The following HEXB variants were observed in gnomAD, a reference collection of about 807,000 sequenced individuals.
HEXB encodes the protein beta-hexosaminidase subunit beta.
Under a neutral mutation model 71.2 loss-of-function variants are expected in HEXB, and 51 were observed. That is an observed-to-expected ratio of 0.72 (90% confidence interval 0.57 to 0.90). HEXB has a LOEUF of 0.90. HEXB is among the 40% of genes least tolerant of loss of function. HEXB has a pLI of 0.00. For missense variants in HEXB, 617 were observed against 677.0 expected (o/e 0.91, Z 0.98); for synonymous variants, 266 against 249.3 (o/e 1.07, Z -0.63).
chr5:74,683,596 G>A (rs1027973865), upstream of HEXB, among the ~76,000 whole-genome samples: 10 of 151,814 alleles, frequency 6.6e-5, no homozygotes, highest in Non-Finnish European at 1.5e-4. Flanking sequence ...GAGCCACCAT[G>A]CCCAACAGTG....
intron 11 of HEXB, 129 bp from the exon 12 acceptor site, chr5:74,720,299 C>A: frequency 1.3e-6 from 1 of 752,758 alleles, no homozygotes; most frequent in Admixed American, 1.9e-5. Flanking sequence ...TAGCATCTCC[C>A]AAGGTCCTGC....
At chr5:74,698,848 C>T (rs1749180359) in intron 5 of HEXB, among the ~76,000 whole-genome samples, 1 of 152,060 alleles carries the variant, frequency 6.6e-6, no homozygotes, top group Non-Finnish European at 1.5e-5. Flanking sequence ...CAAAGATTGA[C>T]ATACATTTTT....
At chr5:74,688,911 G>A (rs1028837850) in intron 1 of HEXB, among the ~76,000 whole-genome samples, 1 of 152,132 alleles carries the variant, frequency 6.6e-6, no homozygotes, top group African/African-American at 2.4e-5. Context: ...AACTAGTCCA[G>A]CTCTCACATA....
intron 1 of HEXB, among the ~76,000 whole-genome samples, chr5:74,645,214 G>T (rs1747980297): frequency 6.6e-6 from 1 of 151,242 alleles, no homozygotes; most frequent in Non-Finnish European, 1.5e-5. Flanking sequence ...TGTTTTTAGA[G>T]GTGAGCCCGT....
At chr5:74,640,449 C>CCGAACGATGGCTCGCGGACCGG (rs1448023603) in exon 1 of HEXB, 3 of 152,296 alleles carry the variant, frequency 2.0e-5, no homozygotes, top group Non-Finnish European at 2.9e-5. Flanking sequence ...GGACTGCGCC[C>CCGAACGATGGCTCGCGGACCGG]CGAACGATGG....
At chr5:74,673,176 C>T (rs547239139) in intron 1 of HEXB, among the ~76,000 whole-genome samples, 1 of 152,290 alleles carries the variant, frequency 6.6e-6, no homozygotes, top group East Asian at 1.9e-4. Context: ...GTTTTTGTGG[C>T]TAATTTTAGC....
chr5:74,719,954 A>AAAAC (rs71600437), intron 11 of HEXB: 38,167 of 158,072 alleles, frequency 0.24, 5,146 homozygotes, highest in Middle Eastern at 0.39. Flanking sequence ...AAAAAAAAAA[A>AAAAC]ACACACACAT....
chr5:74,702,422 G>A (rs1480612336), intron 5 of HEXB, among the ~76,000 whole-genome samples: 1 of 152,200 alleles, frequency 6.6e-6, no homozygotes, highest in Non-Finnish European at 1.5e-5. Context: ...GTATAGGCCA[G>A]TTGCTTTGTA....
At chr5:74,693,733 T>C (rs1273247181) in intron 3 of HEXB, 29 bp downstream of exon 3, 3 of 1,567,394 alleles carry the variant, frequency 1.9e-6, no homozygotes, top group African/African-American at 2.7e-5. Context: ...CATTGTTACT[T>C]TCCAGTAAAG....
chr5:74,662,620 G>A (rs1009053372), intron 1 of HEXB, among the ~76,000 whole-genome samples: 23 of 152,176 alleles, frequency 1.5e-4, no homozygotes, highest in Non-Finnish European at 3.1e-4. Context: ...TTCCCAAAAT[G>A]ACTGTACCAA....
At chr5:74,654,164 A>T in intron 1 of HEXB, among the ~76,000 whole-genome samples, 1 of 152,026 alleles carries the variant, frequency 6.6e-6, no homozygotes, top group East Asian at 1.9e-4. Flanking sequence ...GAGCCAATGC[A>T]TCTCTGGAAT....
At chr5:74,696,454 A>C (rs368519408) in intron 3 of HEXB, among the ~76,000 whole-genome samples, 38 of 152,176 alleles carry the variant, frequency 2.5e-4, no homozygotes, top group African/African-American at 2.2e-4. Context: ...GGTACAATGA[A>C]GTAAAGCACT....
At chr5:74,669,695 G>C (rs181746609) in intron 1 of HEXB, among the ~76,000 whole-genome samples, 2 of 152,120 alleles carry the variant, frequency 1.3e-5, no homozygotes, top group East Asian at 3.9e-4. Flanking sequence ...AGGGATACAG[G>C]GTGCCAAGTG....
chr5:74,644,991 C>G (rs192258134), intron 1 of HEXB, among the ~76,000 whole-genome samples: 2 of 151,850 alleles, frequency 1.3e-5, no homozygotes, highest in Non-Finnish European at 2.9e-5. Context: ...AAGCTGGTCT[C>G]GAACTCCTGA....
chr5:74,699,947 CT>C (rs5868750), intron 5 of HEXB, among the ~76,000 whole-genome samples: 10 of 140,546 alleles, frequency 7.1e-5, no homozygotes, highest in Non-Finnish European at 9.0e-5. Context: ...GAATATAAGC[CT>C]TTTTTTTACA....
At chr5:74,661,513 C>CTGTGTGTGTGTG (rs1179218651) in intron 1 of HEXB, among the ~76,000 whole-genome samples, 4 of 84,930 alleles carry the variant, frequency 4.7e-5, no homozygotes, top group African/African-American at 1.3e-4. Flanking sequence ...TTCTCTCTCT[C>CTGTGTGTGTGTG]TGTGTGTGTG....
intron 11 of HEXB, 77 bp downstream of exon 11, chr5:74,719,048 G>C: frequency 1.4e-6 from 2 of 1,418,340 alleles, no homozygotes; most frequent in Non-Finnish European, 2.0e-6. Flanking sequence ...TGTTACCTTT[G>C]TTTTATGAGT....
intron 1 of HEXB, among the ~76,000 whole-genome samples, chr5:74,650,884 C>T (rs1748091670): frequency 6.7e-6 from 1 of 148,530 alleles, no homozygotes; most frequent in South Asian, 2.1e-4. Context: ...TGGGATCACG[C>T]CACTGCACTC....
At chr5:74,661,716 A>G (rs1748329577) in intron 1 of HEXB, among the ~76,000 whole-genome samples, 1 of 152,178 alleles carries the variant, frequency 6.6e-6, no homozygotes, top group African/African-American at 2.4e-5. Flanking sequence ...TATATTTGAA[A>G]CTGAGTTCTA....
Sources: allele counts gnomAD v4.1 joint callset (sites outside exome capture counted in the v4.1 genomes callset), GRCh38; gene constraint gnomAD v4.1.1; transcripts MANE v1.5; gene names NCBI Gene and HGNC (gene_info 2026-07-23, HGNC 2026-07-21).